DENND4A: variants seen among roughly 807,000 people sequenced by gnomAD.
The protein encoded by DENND4A is DENN domain containing 4A, also known as C-myc promoter-binding protein.
A neutral mutation model predicts 199.3 loss-of-function variants in DENND4A; 70 were observed. That is an observed-to-expected ratio of 0.35 (90% CI 0.29 to 0.43). The LOEUF (loss-of-function observed/expected upper bound fraction) is 0.43. DENND4A is among the 20% of genes least tolerant of loss of function. The pLI is 1.00. For missense variants in DENND4A, 1,723 were observed against 2,255.8 expected (o/e 0.76, Z 4.78); for synonymous variants, 686 against 766.9 (o/e 0.89, Z 1.74).
chr15:65,785,382 C>T (rs921451448), intron 1 of DENND4A, among the ~76,000 whole-genome samples: 3 of 148,550 alleles, frequency 2.0e-5, no homozygotes, highest in Admixed American at 6.8e-5. Flanking sequence ...ACCAGCTACT[C>T]GGGAGGCTGT....
At chr15:65,760,051 T>C (rs1227920204) in intron 2 of DENND4A, among the ~76,000 whole-genome samples, 2 of 152,236 alleles carry the variant, frequency 1.3e-5, no homozygotes, top group Non-Finnish European at 1.5e-5. Flanking sequence ...TATCAGCCTT[T>C]ATTTATGTGC....
intron 12 of DENND4A, among the ~76,000 whole-genome samples, chr15:65,720,982 T>TATATATATATATATATATA (rs71447856): frequency 2.8e-3 from 345 of 123,446 alleles, no homozygotes; most frequent in Non-Finnish European, 4.3e-3. Flanking sequence ...TATATATATA[T>TATATATATATATATATATA]TTGTACTTTT....
Position 65,690,786 on chromosome 15 carries a change from T to C in DENND4A, c.3808A>G (p.Ile1270Val), listed in dbSNP as rs2076944749. ...SSPLTSRTPS[I>V]DLQRACDDKL... ...TCATCACATGCCCGTTGTAAATCAATGCTTGGTGTACGACTTGTCAAAGGA... is the reference window on the plus strand; with the variant it reads ...TCATCACATGCCCGTTGTAAATCAACGCTTGGTGTACGACTTGTCAAAGGA... The change falls in exon 23 of 33, where the codon ATT (isoleucine) becomes GTT (valine). Residue 1270 changes from isoleucine (I) to valine (V), a missense_variant. By Grantham distance (29) the Ile-to-Val change is conservative (BLOSUM62 3). This residue lies in a region of DENND4A where 650 missense variants were observed against 738.1 expected (regional missense o/e 0.88). Coordinates refer to ENST00000443035, the MANE Select transcript of DENND4A (RefSeq NM_001320835.1). 3 of 1,613,456 alleles carry C rather than the reference T, an allele frequency of 1.9e-6. No individual in the cohort carries two copies. The highest frequency in any genetic ancestry group is 1.7e-6 in the Non-Finnish European group (2 of 1,179,780).
intron 3 of DENND4A, 83 bp downstream of exon 3, chr15:65,756,057 G>T: frequency 8.3e-7 from 1 of 1,203,206 alleles, no homozygotes; most frequent in South Asian, 1.6e-5. Flanking sequence ...ATCTATTAAT[G>T]ACCAGAATGA....
intron 4 of DENND4A, among the ~76,000 whole-genome samples, chr15:65,746,369 C>CTTTTTTTTTTTTTTTTTTTTTTT (rs573935476): frequency 3.9e-5 from 2 of 51,300 alleles, no homozygotes; most frequent in Non-Finnish European, 7.3e-5. Context: ...ACTTTTTTCT[C>CTTTTTTTTTTTTTTTTTTTTTTT]TTTTTTTTTT....
intron 1 of DENND4A, among the ~76,000 whole-genome samples, chr15:65,772,866 C>T (rs995070646): frequency 2.6e-5 from 4 of 151,812 alleles, no homozygotes; most frequent in Non-Finnish European, 5.9e-5. Flanking sequence ...GGGCTGTTTC[C>T]ACCATGTGAG....
intron 12 of DENND4A, among the ~76,000 whole-genome samples, chr15:65,720,973 ATATATATATT>A (rs1567044011): frequency 1.2e-5 from 1 of 80,004 alleles, no homozygotes; most frequent in Non-Finnish European, 2.8e-5. Context: ...ATATATATAT[ATATATATATT>A]TGTACTTTTT....
At chr15:65,663,205 T>A (rs1449312187) in intron 32 of DENND4A, among the ~76,000 whole-genome samples, 9 of 144,766 alleles carry the variant, frequency 6.2e-5, no homozygotes, top group South Asian at 4.2e-4. Context: ...TATATTTTTT[T>A]TTTTTTATTT....
At chr15:65,762,872 C>G (rs1390427679) in intron 1 of DENND4A, among the ~76,000 whole-genome samples, 1 of 151,956 alleles carries the variant, frequency 6.6e-6, no homozygotes, top group Non-Finnish European at 1.5e-5. Flanking sequence ...TGGAACTAAT[C>G]CATGGAGGAT....
intron 7 of DENND4A, 122 bp from the exon 8 acceptor site, chr15:65,732,940 A>G: frequency 1.9e-6 from 1 of 540,472 alleles, no homozygotes; most frequent in Non-Finnish European, 3.3e-6. Context: ...TGAAATCCCT[A>G]ATACTATGAA....
intron 24 of DENND4A, among the ~76,000 whole-genome samples, chr15:65,673,106 C>T (rs1295800351): frequency 6.6e-6 from 1 of 151,784 alleles, no homozygotes; most frequent in Non-Finnish European, 1.5e-5. Flanking sequence ...CATTATCTGT[C>T]CACCTCAGCC....
At chr15:65,705,913 T>C (rs928718073) in intron 15 of DENND4A, 178 bp downstream of exon 15, 24 of 791,212 alleles carry the variant, frequency 3.0e-5, no homozygotes, top group Admixed American at 6.2e-5. Flanking sequence ...AAATTATATA[T>C]GTTTTCTTTT....
intron 23 of DENND4A, among the ~76,000 whole-genome samples, chr15:65,678,743 G>A (rs1027259760): frequency 1.2e-4 from 18 of 152,132 alleles, no homozygotes; most frequent in African/African-American, 4.3e-4. Context: ...AGGCTGGAGT[G>A]CAGTGATGTG....
chr15:65,718,873 G>A (rs1282918320), intron 12 of DENND4A, among the ~76,000 whole-genome samples: 4 of 140,024 alleles, frequency 2.9e-5, no homozygotes, highest in Admixed American at 1.6e-4. Flanking sequence ...CCTACCTCCC[G>A]GGCTCCAGAG....
At chr15:65,691,833 G>T (rs1490988848) in intron 22 of DENND4A, among the ~76,000 whole-genome samples, 1 of 151,376 alleles carries the variant, frequency 6.6e-6, no homozygotes, top group African/African-American at 2.4e-5. Flanking sequence ...AGGATGTACT[G>T]CTTTTTAAAA....
At chr15:65,765,548 T>C (rs966545303) in intron 1 of DENND4A, among the ~76,000 whole-genome samples, 1 of 152,254 alleles carries the variant, frequency 6.6e-6, no homozygotes, top group African/African-American at 2.4e-5. Flanking sequence ...ACAGCTGTAT[T>C]ACTGACATTG....
chr15:65,773,018 AAAAAAAAAAAT>A (rs2077182061), intron 1 of DENND4A, among the ~76,000 whole-genome samples: 1 of 120,740 alleles, frequency 8.3e-6, no homozygotes, highest in African/African-American at 3.0e-5. Context: ...AAAAAAAAAA[AAAAAAAAAAAT>A]CATTCTTAGA....
At chr15:65,721,593 TAAAAAAA>T (rs71447857) in intron 12 of DENND4A, among the ~76,000 whole-genome samples, 1 of 131,588 alleles carries the variant, frequency 7.6e-6, no homozygotes. Flanking sequence ...TGACTCCACT[TAAAAAAA>T]AAAAAAAAAA....
intron 23 of DENND4A, 109 bp downstream of exon 23, chr15:65,690,306 C>A: frequency 8.2e-7 from 1 of 1,217,424 alleles, no homozygotes; most frequent in Admixed American, 3.3e-5. Flanking sequence ...CCAATGAGTC[C>A]TTTTTATAAA....
Sources: allele counts gnomAD v4.1 joint callset (sites outside exome capture counted in the v4.1 genomes callset), GRCh38; gene constraint gnomAD v4.1.1; regional missense constraint gnomAD v4.1.1; transcripts MANE v1.5; gene names NCBI Gene and HGNC (gene_info 2026-07-23, HGNC 2026-07-21).